The following ARHGEF7 variants were observed in gnomAD, a reference collection of about 807,000 sequenced individuals.
The protein encoded by ARHGEF7 is PAK-interacting exchange factor beta.
ARHGEF7 carries 33 observed loss-of-function variants against 109.8 expected under a neutral mutation model. That is an observed-to-expected ratio of 0.30 (90% CI 0.23 to 0.40). The LOEUF is 0.40. ARHGEF7 is among the 10% of genes least tolerant of loss of function. The pLI, the probability that ARHGEF7 is intolerant of heterozygous loss-of-function variation, is 1.00. For synonymous variants in ARHGEF7, 458 were observed against 424.6 expected, an observed-to-expected ratio of 1.08 and a Z score of -0.97; for missense variants, 938 against 1,098.5, an observed-to-expected ratio of 0.85 and a Z score of 2.07.
chr13:111,261,592 T>G (rs2091097576), intron 8 of ARHGEF7, among the ~76,000 whole-genome samples: 1 of 152,208 alleles, frequency 6.6e-6, no homozygotes, highest in Non-Finnish European at 1.5e-5. Flanking sequence ...TATCTGTACT[T>G]TAGAACAAAT....
chr13:111,199,657 A>G (rs2080982780), intron 2 of ARHGEF7, among the ~76,000 whole-genome samples: 2 of 152,252 alleles, frequency 1.3e-5, no homozygotes, highest in South Asian at 4.1e-4. Flanking sequence ...GTGTAACCAT[A>G]AAATGAGGAA....
intron 2 of ARHGEF7, among the ~76,000 whole-genome samples, chr13:111,165,001 A>G (rs1396370310): frequency 1.3e-5 from 2 of 152,180 alleles, no homozygotes; most frequent in Non-Finnish European, 2.9e-5. Context: ...TGGGAAAGCC[A>G]TCCTCTCCAG....
At chr13:111,171,722 T>G (rs573747416) in intron 2 of ARHGEF7, among the ~76,000 whole-genome samples, 3 of 152,340 alleles carry the variant, frequency 2.0e-5, no homozygotes, top group Admixed American at 6.5e-5. Context: ...ACAAAGCTCT[T>G]CTGTGGCTGC....
chr13:111,141,632 A>ATT (rs34263315), intron 1 of ARHGEF7, among the ~76,000 whole-genome samples: 2,778 of 146,266 alleles, frequency 0.019, 40 homozygotes, highest in Middle Eastern at 0.057. Context: ...GTTCCTCCAT[A>ATT]TTTTTTTTTT....
intron 2 of ARHGEF7, among the ~76,000 whole-genome samples, chr13:111,204,008 A>G (rs1221628369): frequency 6.6e-6 from 1 of 152,142 alleles, no homozygotes; most frequent in Non-Finnish European, 1.5e-5. Flanking sequence ...TTTTTAGTCT[A>G]GGGAGGCCTG....
intron 1 of ARHGEF7, among the ~76,000 whole-genome samples, chr13:111,123,717 G>C (rs2067348399): frequency 6.6e-6 from 1 of 152,208 alleles, no homozygotes; most frequent in South Asian, 2.1e-4. Context: ...GCCAGGCACT[G>C]TTCTAAGGAC....
Position 111,145,233 on chromosome 13 carries a change from G to A in ARHGEF7, c.166-8672G>A, listed in dbSNP as rs1274853760. Among the ~76,000 whole-genome samples the A allele has an allele frequency of 2.6e-5, 4 of 152,040 alleles. No individual in the cohort carries two copies. The highest frequency in any genetic ancestry group is 4.8e-5 in the African/African-American group (2 of 41,388). On this transcript the variant is annotated intron_variant, in intron 1 of 21. Coordinates refer to ENST00000646102, the MANE Select transcript of ARHGEF7 (RefSeq NM_001354046.2). This position sits in a 1 kb window ranked among gnomAD's most constrained non-coding sequence, Gnocchi z 4.3. ...TCTGTCCTCTAGATTGTTTCCAATC[G>A]TTTGCCATTACATTGTGTTCTAATT...
chr13:111,245,209 T>C (rs895844718), intron 8 of ARHGEF7, among the ~76,000 whole-genome samples: 3 of 152,114 alleles, frequency 2.0e-5, no homozygotes, highest in Admixed American at 2.0e-4. Context: ...TTGTGGAGAT[T>C]CAGAAAGTTG....
At chr13:111,136,095 C>T (rs1251003272) in intron 1 of ARHGEF7, among the ~76,000 whole-genome samples, 2 of 152,092 alleles carry the variant, frequency 1.3e-5, no homozygotes, top group Non-Finnish European at 2.9e-5. Context: ...TGCTGGATTA[C>T]GTTTATTGAT....
At chr13:111,116,167 A>G (rs1166950882) in intron 1 of ARHGEF7, among the ~76,000 whole-genome samples, 1 of 152,196 alleles carries the variant, frequency 6.6e-6, no homozygotes, top group African/African-American at 2.4e-5. Flanking sequence ...GTATTTTTAA[A>G]GAGGCACGCA....
rs921943385 is a variant in ARHGEF7, at chr13:111,274,747, G to A, written c.1229G>A (p.Arg410Lys). ...ERHMEDYHTD[R>K]QDIQKSMAAF... ...TACTCAAAGGATTATCATACAGATA[G>A]ACAAGATATTCAAAAATCCATGGCT... Residue 410 changes from arginine (R) to lysine (K), a missense_variant, in exon 11 of 22, where the codon AGA (arginine) becomes AAA (lysine). By Grantham distance (26) the Arg-to-Lys change is conservative (BLOSUM62 2). Transcript: ENST00000646102. 6 of 1,495,988 alleles carry A rather than the reference G, an allele frequency of 4.0e-6. No homozygotes were observed. Among genetic ancestry groups the A allele is most frequent in the Middle Eastern group, 1.7e-4 (1 of 5,726 alleles). The allele number at this position is 1,495,988 out of a possible 1,614,324, so 92.7% of individuals were successfully genotyped here. A position where few individuals can be genotyped will look rare whatever the true frequency, so the allele number is the denominator to read the frequency against.
rs183153124 is a variant in ARHGEF7 at position 111,255,743 on chromosome 13, A to G, written c.950+11449A>G. On this transcript the variant is annotated intron_variant, in intron 8 of 21. Transcript: ENST00000646102. The surrounding 1 kb of genome is among the most constrained non-coding windows in gnomAD (Gnocchi z 4.1). ...ATTTCTGCAGCTTTGTCTTCACTTG[A>G]TTTCACTTTCTGCCCTTAAACTCGG... Among the ~76,000 whole-genome samples the G allele has an allele frequency of 6.6e-5, 10 of 152,172 alleles. No homozygotes were observed. The highest frequency in any genetic ancestry group is 1.0e-4 in the Non-Finnish European group (7 of 68,004).
In ARHGEF7 at chr13:111,303,036, C is replaced by T. The variant is rs528968762; in HGVS notation, c.2512C>T (p.Arg838Cys). The T allele has an allele frequency of 2.4e-5, 38 of 1,613,998 alleles. No homozygotes were observed. Among genetic ancestry groups the T allele is most frequent in the African/African-American group, 2.7e-5 (2 of 74,910 alleles). ...ATCTCTAGAGGAAGAACAGAGAGCC[C>T]GCAAAGACCTGGAGAAGCTGGTGAG... ...KKSLEEEQRA[R>C]KDLEKLVRKV... is the part of the protein sequence containing the mutation. The change falls in exon 22 of 22, where the codon CGC (arginine) becomes TGC (cysteine). Residue 838 changes from arginine (R) to cysteine (C), a missense_variant. Physicochemically the swap from Arg to Cys is radical, Grantham distance 180. Coordinates refer to ENST00000646102, the MANE Select transcript of ARHGEF7 (RefSeq NM_001354046.2).
chr13:111,221,523 C>CA (rs1566876098), intron 5 of ARHGEF7, among the ~76,000 whole-genome samples: 7,957 of 31,790 alleles, frequency 0.25, 1,632 homozygotes, highest in Non-Finnish European at 0.34. Flanking sequence ...AGATATATAT[C>CA]TATATATATC....
chr13:111,250,609 G>A (rs1054592907), intron 8 of ARHGEF7, among the ~76,000 whole-genome samples: 4 of 152,192 alleles, frequency 2.6e-5, no homozygotes, highest in African/African-American at 9.7e-5. Context: ...CTGACACTGA[G>A]TTTCCAGTGG....
intron 2 of ARHGEF7, among the ~76,000 whole-genome samples, chr13:111,177,917 A>T (rs1193378408): frequency 1.3e-5 from 2 of 152,208 alleles, no homozygotes; most frequent in African/African-American, 4.8e-5. Context: ...GAGTGGGAAC[A>T]GTGAAGCTTG....
chr13:111,280,556 T>C lies in ARHGEF7; in HGVS notation c.1604T>C (p.Ile535Thr). The change falls in exon 15 of 22, where the codon ATA (isoleucine) becomes ACA (threonine). Residue 535 changes from isoleucine to threonine, a missense_variant. Transcript: ENST00000646102. ...CCTATAGGGAGCATGATTGAGCGGA[T>C]ATTAGTGTCGTGCAACAACCAGCAG... ...FEISGSMIER[I>T]LVSCNNQQDL... is the part of the protein sequence containing the mutation. 6.2e-7 allele frequency: 1 copy of C among 1,609,234 alleles called. No homozygotes were observed. Among genetic ancestry groups the C allele is most frequent in the Non-Finnish European group, 8.5e-7 (1 of 1,178,136 alleles).
At chr13:111,154,835 C>T (rs1444201282) in intron 2 of ARHGEF7, among the ~76,000 whole-genome samples, 3 of 152,098 alleles carry the variant, frequency 2.0e-5, no homozygotes, top group Admixed American at 6.5e-5. Flanking sequence ...TTAAGTCCTG[C>T]CGTTTATGTT....
intron 2 of ARHGEF7, among the ~76,000 whole-genome samples, chr13:111,161,827 CT>C (rs1195576960): frequency 6.6e-6 from 1 of 151,950 alleles, no homozygotes; most frequent in Non-Finnish European, 1.5e-5. Flanking sequence ...TTATAACATG[CT>C]TTAATTTGAT....
Sources: allele counts gnomAD v4.1 joint callset (sites outside exome capture counted in the v4.1 genomes callset), GRCh38; gene constraint gnomAD v4.1.1; non-coding constraint Gnocchi (gnomAD v3.1); transcripts MANE v1.5; gene names NCBI Gene and HGNC (gene_info 2026-07-23, HGNC 2026-07-21).